CHD2: variants seen among roughly 807,000 people sequenced by gnomAD.
CHD2 encodes ATP-dependent chromatin remodeler CHD2.
CHD2 carries 28 observed loss-of-function variants against 243.9 expected under a neutral mutation model. That is an observed-to-expected ratio of 0.11 (90% confidence interval 0.09 to 0.16). The LOEUF (loss-of-function observed/expected upper bound fraction) is 0.16, where lower values mean the gene tolerates loss of function less well. CHD2 is among the 10% of genes least tolerant of loss of function. The probability of loss-of-function intolerance (pLI) is 1.00; values close to 1 mark genes in which losing one functional copy is unlikely to be tolerated. For synonymous variants in CHD2, 775 were observed against 779.0 expected, an observed-to-expected ratio of 0.99 and a Z score of 0.09; for missense variants, 1,386 against 2,209.8, an observed-to-expected ratio of 0.63 and a Z score of 7.47.
chr15:92,949,370 C>A, intron 13 of CHD2: 1 of 414,548 alleles, frequency 2.4e-6, no homozygotes, highest in Non-Finnish European at 3.7e-6. Context: ...GTGTATATAG[C>A]AAGTTAAGTC....
chr15:92,976,673 T>C (rs1255357415), intron 20 of CHD2, among the ~76,000 whole-genome samples: 1 of 149,560 alleles, frequency 6.7e-6, no homozygotes, highest in Non-Finnish European at 1.5e-5. Context: ...AAAAAAAGTT[T>C]CCCCATGTTA....
At chr15:92,929,486 A>G (rs1483983375) in intron 5 of CHD2, among the ~76,000 whole-genome samples, 1 of 152,212 alleles carries the variant, frequency 6.6e-6, no homozygotes, top group Non-Finnish European at 1.5e-5. Context: ...ATATTGGCTG[A>G]ACATCCATTT....
chr15:92,912,162 A>C (rs1049030946), intron 2 of CHD2, among the ~76,000 whole-genome samples: 9 of 152,032 alleles, frequency 5.9e-5, no homozygotes, highest in Non-Finnish European at 1.2e-4. Context: ...TTTTTGTTCG[A>C]AACTTAGTTC....
At chr15:92,901,666 A>G (rs1233369434) in intron 2 of CHD2, 3 of 373,676 alleles carry the variant, frequency 8.0e-6, no homozygotes, top group Non-Finnish European at 1.4e-5. Flanking sequence ...ACCATTTTAC[A>G]TACAAGGCAA....
At chr15:92,906,479 T>C (rs1409207917) in intron 2 of CHD2, among the ~76,000 whole-genome samples, 1 of 152,158 alleles carries the variant, frequency 6.6e-6, no homozygotes, top group Non-Finnish European at 1.5e-5. Context: ...ATTTTATCAT[T>C]AGTTTACTCT....
Position 92,958,121 on chromosome 15 carries a change from T to A in CHD2, c.2000+1472T>A, listed in dbSNP as rs1008512233. On this transcript the variant is annotated intron_variant, in intron 16 of 38. Transcript: ENST00000394196. ...GTTTTTCTTTCTCTTGCTTAGAGACTTAGGAATAGAATTGCTGGATTGTTT... is the reference window on the plus strand; with the variant it reads ...GTTTTTCTTTCTCTTGCTTAGAGACATAGGAATAGAATTGCTGGATTGTTT... Among the ~76,000 whole-genome samples, 5 of 152,350 alleles carry A rather than the reference T, an allele frequency of 3.3e-5. No individual in the cohort carries two copies. In the East Asian group the frequency reaches 9.6e-4, roughly 29 times the overall value.
chr15:92,908,845 G>A (rs1297190323), intron 2 of CHD2, among the ~76,000 whole-genome samples: 1 of 152,140 alleles, frequency 6.6e-6, no homozygotes, highest in Non-Finnish European at 1.5e-5. Flanking sequence ...CAGGCTGGGC[G>A]TGGTAGCTCA....
chr15:92,928,083 C>T (rs765340135), intron 4 of CHD2, among the ~76,000 whole-genome samples: 7 of 152,180 alleles, frequency 4.6e-5, no homozygotes, highest in Non-Finnish European at 8.8e-5. Context: ...AGCTATATAA[C>T]GTACTTCTGA....
chr15:93,025,597 C>G lies in CHD2; in HGVS notation c.*892C>G, dbSNP rs747719945. On this transcript the variant is annotated 3_prime_UTR_variant, in exon 39 of 39. Coordinates refer to ENST00000394196, the MANE Select transcript of CHD2 (RefSeq NM_001271.4). ...TAGTGTGGCCAGGGAACTGGAATCC[C>G]TGGTGGATTTCTGATTCCTGTGGTG... 6.6e-6 allele frequency: 1 copy of G among 152,530 alleles called. No individual in the cohort carries two copies. Among genetic ancestry groups the G allele is most frequent in the Non-Finnish European group, 1.5e-5 (1 of 68,080 alleles). The allele number at this position is 152,530 out of a possible 1,614,324, so 9.4% of individuals were successfully genotyped here. A position where few individuals can be genotyped will look rare whatever the true frequency, so the allele number is the denominator to read the frequency against.
In CHD2 at chr15:92,998,831, C is replaced by G. The variant is rs149459529; in HGVS notation, c.4008+210C>G. Among the ~76,000 whole-genome samples the G allele has an allele frequency of 0.016, 2,450 of 152,210 alleles. 19 individuals carry two copies. Among genetic ancestry groups the G allele is most frequent in the Middle Eastern group, 0.031 (9 of 294 alleles). Reference sequence around the variant, plus strand: ...TGGCGCAGTGGCTCATGCCTGTAATCCCAGCACTTTGGGAGGCTGAGGCGG... The same window carrying G: ...TGGCGCAGTGGCTCATGCCTGTAATGCCAGCACTTTGGGAGGCTGAGGCGG... On this transcript the variant is annotated intron_variant, in intron 31 of 38. Coordinates refer to ENST00000394196, the MANE Select transcript of CHD2 (RefSeq NM_001271.4). The surrounding 1 kb of genome is among the most constrained non-coding windows in gnomAD (Gnocchi z 5.1).
At chr15:92,934,179 G>T (rs986230247) in intron 5 of CHD2, among the ~76,000 whole-genome samples, 1 of 152,196 alleles carries the variant, frequency 6.6e-6, no homozygotes, top group African/African-American at 2.4e-5. Flanking sequence ...ATATTTAAAA[G>T]TAGCTTTTGT....
chr15:92,944,268 C>T lies in CHD2; in HGVS notation c.1053-147C>T, dbSNP rs147784610. 7.2e-4 allele frequency: 351 copies of T among 485,222 alleles called. 4 individuals carry two copies. In the East Asian group the frequency reaches 0.011, roughly 15 times the overall value. The allele number at this position is 485,222 out of a possible 1,614,324, so 30.1% of individuals were successfully genotyped here. ...GTTTGTTTGTTTTGTTTTGTAAAAT[C>T]TCTGGCGTAATTACTAGTAAAGATT... On this transcript the variant is annotated intron_variant, in intron 9 of 38. Coordinates refer to ENST00000394196, the MANE Select transcript of CHD2 (RefSeq NM_001271.4).
At chr15:92,941,769 G>C (rs1052257898) in intron 7 of CHD2, 53 bp from the exon 8 acceptor site, 20 of 1,574,126 alleles carry the variant, frequency 1.3e-5, no homozygotes, top group South Asian at 1.3e-4. Context: ...ATGTGTGGCA[G>C]TTTAATTCTG....
intron 9 of CHD2, 122 bp downstream of exon 9, chr15:92,943,190 A>G (rs1283751325): frequency 2.8e-6 from 2 of 708,154 alleles, no homozygotes; most frequent in South Asian, 1.9e-5. Flanking sequence ...TCATCTAAAC[A>G]TGGAGCCATT....
At chr15:93,016,092 A>G (rs982365520) in intron 37 of CHD2, among the ~76,000 whole-genome samples, 7 of 152,046 alleles carry the variant, frequency 4.6e-5, no homozygotes, top group Non-Finnish European at 8.8e-5. Flanking sequence ...GATAGCCAAG[A>G]TACGTAATCA....
At chr15:92,957,244 T>G (rs546385697) in intron 16 of CHD2, among the ~76,000 whole-genome samples, 1 of 152,340 alleles carries the variant, frequency 6.6e-6, no homozygotes, top group South Asian at 2.1e-4. Flanking sequence ...ACTTTCTCCA[T>G]TACTCATTAT....
At chr15:92,917,607 T>G (rs1420018916) in intron 2 of CHD2, among the ~76,000 whole-genome samples, 2 of 152,246 alleles carry the variant, frequency 1.3e-5, no homozygotes, top group African/African-American at 2.4e-5. Context: ...CCAGTCAGTC[T>G]TCTTTGCTTT....
intron 1 of CHD2, 147 bp downstream of exon 1, chr15:92,900,971 TTATTGA>T: frequency 2.2e-6 from 1 of 464,750 alleles, no homozygotes; most frequent in Non-Finnish European, 3.8e-6. Context: ...GAAAGTTTCC[TTATTGA>T]TAGTGATGCT....
intron 2 of CHD2, among the ~76,000 whole-genome samples, chr15:92,917,545 A>T (rs2052864394): frequency 6.6e-6 from 1 of 152,214 alleles, no homozygotes; most frequent in Non-Finnish European, 1.5e-5. Context: ...TGGGCTACAG[A>T]GCGCGACTTG....
Sources: gnomAD v4.1 joint callset for allele counts (sites outside exome capture counted in the v4.1 genomes callset) on GRCh38, gnomAD v4.1.1 for gene constraint, Gnocchi (gnomAD v3.1) non-coding constraint, MANE v1.5 for transcripts, NCBI Gene and HGNC (gene_info 2026-07-23, HGNC 2026-07-21) for gene names.